The following SLC10A7 variants were observed in gnomAD, a reference collection of about 807,000 sequenced individuals.
SLC10A7 encodes sodium/bile acid cotransporter 7.
In SLC10A7, 29 loss-of-function variants were observed where a neutral mutation model predicts 43.2. The observed-to-expected ratio is 0.67, with a 90% CI of 0.50 to 0.92. The LOEUF (loss-of-function observed/expected upper bound fraction) is 0.92. SLC10A7 is among the 40% of genes least tolerant of loss of function. The probability of loss-of-function intolerance (pLI) is 0.00; values close to 1 mark genes in which losing one functional copy is unlikely to be tolerated. For synonymous variants in SLC10A7, 152 were observed against 144.8 expected, an observed-to-expected ratio of 1.05 and a Z score of -0.35; for missense variants, 295 against 403.2, an observed-to-expected ratio of 0.73 and a Z score of 2.30.
Position 146,292,914 on chromosome 4 carries a change from T to C in SLC10A7, c.773+15A>G. On this transcript the variant is annotated intron_variant, in intron 9 of 11. Transcript: ENST00000335472. Reference sequence around the variant, plus strand: ...AATTTAGAAAACTAATAACAAGAGATACCAAATCACTTACCTTGTTGAAAA... The same window carrying C: ...AATTTAGAAAACTAATAACAAGAGACACCAAATCACTTACCTTGTTGAAAA... The C allele has an allele frequency of 3.8e-6, 6 of 1,564,222 alleles. No individual in the cohort carries two copies. The highest frequency in any genetic ancestry group is 5.3e-6 in the Non-Finnish European group (6 of 1,139,786).
chr4:146,360,172 C>A (rs1473663230), intron 5 of SLC10A7, among the ~76,000 whole-genome samples: 1 of 152,186 alleles, frequency 6.6e-6, no homozygotes, highest in East Asian at 1.9e-4. Flanking sequence ...TATATATTTG[C>A]TTCTCCTTAT....
At chr4:146,292,824 GTAAAAGGAGAAAAAAATA>G in intron 9 of SLC10A7, 87 bp downstream of exon 9, 1 of 759,568 alleles carries the variant, frequency 1.3e-6, no homozygotes, top group South Asian at 1.9e-5. Context: ...AAAAACATAT[GTAAAAGGAGAAAAAAATA>G]TAAACGTGTA....
At chr4:146,285,533 C>T (rs1040479576) in intron 9 of SLC10A7, among the ~76,000 whole-genome samples, 1 of 152,070 alleles carries the variant, frequency 6.6e-6, no homozygotes, top group Non-Finnish European at 1.5e-5. Context: ...GGGATAAATG[C>T]CAGTGCTTGT....
intron 9 of SLC10A7, among the ~76,000 whole-genome samples, chr4:146,292,466 G>A (rs1465351803): frequency 6.6e-6 from 1 of 152,158 alleles, no homozygotes; most frequent in Admixed American, 6.5e-5. Context: ...TAACTTTGAG[G>A]ATGGTGGTTC....
chr4:146,512,126 A>C (rs1737541277), intron 2 of SLC10A7, among the ~76,000 whole-genome samples: 1 of 151,132 alleles, frequency 6.6e-6, no homozygotes, highest in Non-Finnish European at 1.5e-5. Context: ...GGCGCCCACC[A>C]CCACACCCAG....
intron 10 of SLC10A7, among the ~76,000 whole-genome samples, chr4:146,261,860 G>A (rs112081972): frequency 9.2e-5 from 14 of 152,274 alleles, no homozygotes; most frequent in African/African-American, 1.9e-4. Context: ...CTCACATGGT[G>A]GATTCACAAG....
chr4:146,353,136 C>T (rs1735265910), intron 5 of SLC10A7, among the ~76,000 whole-genome samples: 1 of 140,720 alleles, frequency 7.1e-6, no homozygotes, highest in Admixed American at 7.1e-5. Flanking sequence ...TGATAGACCG[C>T]TAGCAAGACT....
chr4:146,471,976 A>G (rs1327867972), intron 4 of SLC10A7, among the ~76,000 whole-genome samples: 17 of 152,124 alleles, frequency 1.1e-4, no homozygotes, highest in Admixed American at 1.1e-3. Context: ...CCTGTTCTCC[A>G]TACCCCCCCA....
intron 6 of SLC10A7, among the ~76,000 whole-genome samples, chr4:146,310,541 T>C (rs1029362580): frequency 2.0e-5 from 3 of 152,152 alleles, no homozygotes; most frequent in East Asian, 1.9e-4. Context: ...TGGTGTCTCA[T>C]TGTGGTTTTG....
Position 146,256,522 on chromosome 4 carries a change from T to A in SLC10A7, c.994-2A>T, listed in dbSNP as rs146234479. On this transcript the variant is annotated splice_acceptor_variant, in intron 11 of 11. Transcript: ENST00000335472. LOFTEE classifies it high-confidence loss of function. ...TGTCGGCCTTGTCAGCTTCACTCCC[T>A]ACAAGGAAGGAAAACATGTTCAGAG... 2.5e-6 allele frequency: 4 copies of A among 1,613,838 alleles called. No homozygotes were observed. The highest frequency in any genetic ancestry group is 3.4e-6 in the Non-Finnish European group (4 of 1,179,896).
At chr4:146,394,593 C>G (rs1738677859) in intron 5 of SLC10A7, among the ~76,000 whole-genome samples, 1 of 152,134 alleles carries the variant, frequency 6.6e-6, no homozygotes, top group Admixed American at 6.5e-5. Context: ...AACTCCTGAG[C>G]TCAGGCAATT....
At chr4:146,389,142 T>C (rs952096519) in intron 5 of SLC10A7, among the ~76,000 whole-genome samples, 1 of 152,064 alleles carries the variant, frequency 6.6e-6, no homozygotes, top group Non-Finnish European at 1.5e-5. Context: ...AGTGGAACAA[T>C]GGACATGGGA....
chr4:146,283,800 C>T (rs529969783), intron 9 of SLC10A7, among the ~76,000 whole-genome samples: 1 of 152,038 alleles, frequency 6.6e-6, no homozygotes, highest in South Asian at 2.1e-4. Flanking sequence ...AGCAACAACC[C>T]CAAAAGGCAA....
intron 5 of SLC10A7, among the ~76,000 whole-genome samples, chr4:146,433,322 C>T (rs1020489219): frequency 6.6e-6 from 1 of 151,182 alleles, no homozygotes; most frequent in Non-Finnish European, 1.5e-5. Flanking sequence ...CTACCATGCC[C>T]GGTACATATT....
rs986583066 is a variant in SLC10A7, at chr4:146,521,849, C to T, written c.-132G>A. Reference sequence around the variant, plus strand: ...ACATGCAGCAGAGCAAGTCAAATTGCCGATTGTAAAGTAAAGACCTGGGGG... The same window carrying T: ...ACATGCAGCAGAGCAAGTCAAATTGTCGATTGTAAAGTAAAGACCTGGGGG... On this transcript the variant is annotated 5_prime_UTR_variant, in exon 1 of 12. Coordinates refer to ENST00000335472, the MANE Select transcript of SLC10A7 (RefSeq NM_001029998.6). 24 of 726,350 alleles carry T rather than the reference C, an allele frequency of 3.3e-5. No individual in the cohort carries two copies. In the East Asian group the frequency reaches 6.0e-4, roughly 18 times the overall value. 45.0% of individuals were successfully genotyped at this position (726,350 alleles called of 1,614,324 possible).
At chr4:146,261,254 C>G (rs1728201627) in intron 10 of SLC10A7, among the ~76,000 whole-genome samples, 1 of 152,178 alleles carries the variant, frequency 6.6e-6, no homozygotes, top group African/African-American at 2.4e-5. Flanking sequence ...GGCTTCCTGC[C>G]AGGCCCCTTC....
chr4:146,304,139 A>C lies in SLC10A7; in HGVS notation c.555+1787T>G, dbSNP rs1036650992. Among the ~76,000 whole-genome samples the C allele has an allele frequency of 1.4e-5, 2 of 142,592 alleles. 1 individual carries two copies. The highest frequency in any genetic ancestry group is 5.3e-5 in the African/African-American group (2 of 38,054). 93.5% of individuals were successfully genotyped at this position (142,592 alleles called of 152,430 possible). A position where few individuals can be genotyped will look rare whatever the true frequency, so the allele number is the denominator to read the frequency against. ...ACTACTAACTTGTTATAAGAAGTTA[A>C]AATAGAATTCCTATCAGTCCAATTG... On this transcript the variant is annotated intron_variant, in intron 7 of 11. Transcript: ENST00000335472.
intron 5 of SLC10A7, 52 bp downstream of exon 5, chr4:146,442,731 C>T (rs1161183137): frequency 1.3e-6 from 2 of 1,588,162 alleles, no homozygotes; most frequent in South Asian, 2.3e-5. Context: ...CTTTCATATA[C>T]ACAATATCAC....
intron 10 of SLC10A7, 118 bp from the exon 11 acceptor site, chr4:146,258,955 T>C: frequency 8.9e-7 from 1 of 1,124,932 alleles, no homozygotes; most frequent in Non-Finnish European, 1.2e-6. Flanking sequence ...CTCATGTTTA[T>C]TCACAGAACT....
Sources: allele counts gnomAD v4.1 joint callset (sites outside exome capture counted in the v4.1 genomes callset), GRCh38; gene constraint gnomAD v4.1.1; transcripts MANE v1.5; gene names NCBI Gene and HGNC (gene_info 2026-07-23, HGNC 2026-07-21).